PLEC: variants seen among roughly 807,000 people sequenced by gnomAD.
The protein encoded by PLEC is hemidesmosomal protein 1.
In PLEC, 216 loss-of-function variants were observed where a neutral mutation model predicts 392.8. The observed-to-expected ratio is 0.55, with a 90% CI of 0.49 to 0.62. The LOEUF is 0.62. Ranked by LOEUF, PLEC falls within the 20% of genes least tolerant of loss-of-function variation. PLEC has a pLI of 0.00. For missense variants in PLEC, 6,863 were observed against 6,563.4 expected (o/e 1.05, Z -1.58); for synonymous variants, 3,621 against 2,980.6 (o/e 1.21, Z -7.00).
rs201278290 is a variant in PLEC, at chr8:143,924,168, G to A, written c.5761C>T (p.Arg1921Trp). 215 of 1,598,984 alleles carry A rather than the reference G, an allele frequency of 1.3e-4. 1 individual carries two copies. The East Asian group carries it at 3.7e-3, about 28-fold the overall frequency. ...GCCAGGATCTCCTCCTCCACCTGCC[G>A]CCGCTGCCTCAGCGTGTCCTCCACC... is the stretch of plus-strand genomic sequence containing the variant. ...GLVEDTLRQR[R>W]QVEEEILALK... The change falls in exon 31 of 32, where the codon CGG (arginine) becomes TGG (tryptophan). Residue 1921 changes from arginine to tryptophan, a missense_variant. Arg to Trp is a moderately radical substitution (Grantham distance 101). Transcript: ENST00000345136.
At chr8:143,955,388 C>T (rs1301749049), upstream of PLEC, among the ~76,000 whole-genome samples, 1 of 152,012 alleles carries the variant, frequency 6.6e-6, no homozygotes, top group Non-Finnish European at 1.5e-5. Context: ...GGCTGAGGCA[C>T]GAGAATCACT....
rs376259577 is a variant in PLEC at position 143,934,420 on chromosome 8, T to C, written c.1067A>G (p.Lys356Arg). Reference protein sequence around the residue: ...LEGAVQAGQLKVPPGYHPLDV... With the variant: ...LEGAVQAGQLRVPPGYHPLDV... ...CAGCGGGTGGTAGCCAGGGGGCACCTTGAGCTGGCCTGCTTGCACCGCTCC... is the reference window on the plus strand; with the variant it reads ...CAGCGGGTGGTAGCCAGGGGGCACCCTGAGCTGGCCTGCTTGCACCGCTCC... Residue 356 changes from lysine to arginine, a missense_variant, in exon 11 of 32, where the codon AAG (lysine) becomes AGG (arginine). Coordinates refer to ENST00000345136, the MANE Select transcript of PLEC (RefSeq NM_201384.3). 5.0e-6 allele frequency: 8 copies of C among 1,611,554 alleles called. No homozygotes were observed. The highest frequency in any genetic ancestry group is 1.3e-5 in the African/African-American group (1 of 74,922).
At chr8:143,960,922 G>A (rs1405014664) in intron 1 of PLEC, among the ~76,000 whole-genome samples, 7 of 152,176 alleles carry the variant, frequency 4.6e-5, no homozygotes, top group Non-Finnish European at 8.8e-5. Context: ...TTCTGCCCCT[G>A]CTTTCCCACC....
rs782278608 is a variant in PLEC, at chr8:143,923,663, G to A, written c.6266C>T (p.Ala2089Val). ...LRGEAEAARR[A>V]AEEAEEARVQ... Reference sequence around the variant, plus strand: ...CCGGGCCTCCTCCGCCTCCTCAGCCGCCCGCCGGGCCGCCTCCGCCTCGCC... The same window carrying A: ...CCGGGCCTCCTCCGCCTCCTCAGCCACCCGCCGGGCCGCCTCCGCCTCGCC... Residue 2089 changes from alanine to valine, a missense_variant, in exon 31 of 32, where the codon GCG (alanine) becomes GTG (valine). Transcript: ENST00000345136. The A allele has an allele frequency of 1.9e-4, 294 of 1,559,742 alleles. 1 individual carries two copies. Among genetic ancestry groups the A allele is most frequent in the Middle Eastern group, 1.8e-4 (1 of 5,580 alleles).
upstream of PLEC, among the ~76,000 whole-genome samples, chr8:143,952,053 G>T (rs531691595): frequency 2.6e-5 from 4 of 152,208 alleles, no homozygotes; most frequent in Non-Finnish European, 5.9e-5. Flanking sequence ...TAGGGCGGTG[G>T]GGGGGAGTGG....
Position 143,933,191 on chromosome 8 carries a change from G to A in PLEC, c.1418+6C>T. 5 of 1,611,936 alleles carry A rather than the reference G, an allele frequency of 3.1e-6. No homozygotes were observed. The highest frequency in any genetic ancestry group is 2.7e-5 in the African/African-American group (2 of 75,028). On this transcript the variant is annotated splice_donor_region_variant and intron_variant, in intron 13 of 31. Coordinates refer to ENST00000345136, the MANE Select transcript of PLEC (RefSeq NM_201384.3). ...TGGGCTTCAGGGAGGGCAGGGCGGG[G>A]CCCACCTGCGGTACATCTGCTCGCC... is the stretch of plus-strand genomic sequence containing the variant.
Position 143,918,627 on chromosome 8 carries a change from A to G in PLEC, c.11194T>C (p.Phe3732Leu), listed in dbSNP as rs1554675819. The G allele has an allele frequency of 1.9e-6, 3 of 1,612,818 alleles. No individual in the cohort carries two copies. Among genetic ancestry groups the G allele is most frequent in the East Asian group, 4.5e-5 (2 of 44,844 alleles). The change falls in exon 32 of 32, where the codon TTC (phenylalanine) becomes CTC (leucine). Residue 3732 changes from phenylalanine (F) to leucine (L), a missense_variant. Coordinates refer to ENST00000345136, the MANE Select transcript of PLEC (RefSeq NM_201384.3). ...TCCCCCTTCACCGGGTCCAGCAGGA[A>G]GCCTGTGGCTGCCTGTGCCTCCAGC... Reference protein sequence around the residue: ...LLLEAQAATGFLLDPVKGERL... With the variant: ...LLLEAQAATGLLLDPVKGERL...
At position 143,929,434 on chromosome 8, in the gene PLEC, G is replaced by T. The variant is rs1468528647; in HGVS notation, c.3061C>A (p.Gln1021Lys). 1.9e-6 allele frequency: 3 copies of T among 1,576,186 alleles called. No individual in the cohort carries two copies. Among genetic ancestry groups the T allele is most frequent in the Non-Finnish European group, 2.6e-6 (3 of 1,163,066 alleles). The change falls in exon 24 of 32, where the codon CAG becomes AAG. Residue 1021 changes from glutamine (Q) to lysine (K), a missense_variant. Physicochemically the swap from Gln to Lys is moderately conservative, Grantham distance 53. Coordinates refer to ENST00000345136, the MANE Select transcript of PLEC (RefSeq NM_201384.3). ...LDKEPARECA[Q>K]RIAEQQKAQA... ...CCTGCCTGCTGCTCGGCGATGCGCT[G>T]GGCACACTCCCGTGCCGGCTCTTTG...
At chr8:143,930,967 A>G (rs1221206094) in intron 19 of PLEC, among the ~76,000 whole-genome samples, 5 of 152,068 alleles carry the variant, frequency 3.3e-5, no homozygotes, top group African/African-American at 4.8e-5. Flanking sequence ...TTCAGTCTCC[A>G]GTCCCTCTTC....
In PLEC at chr8:143,919,323, G is replaced by A. The variant is rs200541837; in HGVS notation, c.10498C>T (p.Arg3500Cys). ...TCGTCGCTGGGGTCCGCCAGGACGC[G>A]GTTCATCTCCTCACTGAAGTAGCCG... ...QRGYFSEEMNRVLADPSDDTK... is the reference protein window; with the variant it reads ...QRGYFSEEMNCVLADPSDDTK... Residue 3500 changes from arginine to cysteine, a missense_variant, in exon 32 of 32, where the codon CGC (arginine) becomes TGC (cysteine). Coordinates refer to ENST00000345136, the MANE Select transcript of PLEC (RefSeq NM_201384.3). The A allele has an allele frequency of 8.7e-4, 1,405 of 1,613,944 alleles. 5 individuals carry two copies. Among genetic ancestry groups the A allele is most frequent in the South Asian group, 1.7e-3 (156 of 91,076 alleles).
Position 143,929,163 on chromosome 8 carries a change from A to T in PLEC, c.3200T>A (p.Leu1067Gln). The T allele has an allele frequency of 6.3e-7, 1 of 1,594,056 alleles. No individual in the cohort carries two copies. Among genetic ancestry groups the T allele is most frequent in the Non-Finnish European group, 8.5e-7 (1 of 1,172,108 alleles). ...CTCCAGCTTGCCCAGCGTCAGCTCC[A>T]GCTCCGAGCGCAGCGTGGGGGCCGC... ...SPAAPTLRSELELTLGKLEQV... is the reference protein window; with the variant it reads ...SPAAPTLRSEQELTLGKLEQV... The change falls in exon 25 of 32, where the codon CTG (leucine) becomes CAG (glutamine). Residue 1067 changes from leucine to glutamine, a missense_variant. By Grantham distance (113) the Leu-to-Gln change is moderately radical. Coordinates refer to ENST00000345136, the MANE Select transcript of PLEC (RefSeq NM_201384.3).
chr8:143,918,286 G>A lies in PLEC; in HGVS notation c.11535C>T (p.Ser3845=). The stretch of plus-strand genomic sequence containing the variant: ...GCTCGTCGGTGGACGGGTCCACGTA[G>A]CTGCGCACCTCGCTGGGCTCTGACA... ...DQLSEPSEVR[S]YVDPSTDERL... The change falls in exon 32 of 32, where the codon AGC becomes AGT. Residue 3845 remains serine (S), a synonymous_variant. Coordinates refer to ENST00000345136, the MANE Select transcript of PLEC (RefSeq NM_201384.3). The A allele has an allele frequency of 2.5e-6, 4 of 1,593,178 alleles. No individual in the cohort carries two copies. The highest frequency in any genetic ancestry group is 3.4e-6 in the Non-Finnish European group (4 of 1,177,210).
Position 143,934,010 on chromosome 8 carries a change from G to GGCT in PLEC, c.1250_1251insAGC (p.Ala417dup). 1 of 1,607,290 alleles carries GGCT rather than the reference G, an allele frequency of 6.2e-7. No homozygotes were observed. On this transcript the variant is annotated inframe_insertion, in exon 12 of 32. Coordinates refer to ENST00000345136, the MANE Select transcript of PLEC (RefSeq NM_201384.3). ...CACACCCCCTCACCGACTGCAGCAG[G>GGCT]GCGTCGGCCTGGTTCAGCTGCTCCT...
At position 143,924,838 on chromosome 8, in the gene PLEC, C is replaced by A; in HGVS notation, c.5091G>T (p.Gln1697His). The change falls in exon 31 of 32, where the codon CAG becomes CAT. Residue 1697 changes from glutamine to histidine, a missense_variant. By Grantham distance (24) the Gln-to-His change is conservative (BLOSUM62 0). Coordinates refer to ENST00000345136, the MANE Select transcript of PLEC (RefSeq NM_201384.3). The stretch of plus-strand genomic sequence containing the variant: ...GCGCGGTGCCTTCCGCCAGCTGCCG[C>A]TGCTTCTCCAGCTCTTGTTCAGCCA... ...RELAEQELEK[Q>H]RQLAEGTAQQ... 2 of 1,576,028 alleles carry A rather than the reference C, an allele frequency of 1.3e-6. No individual in the cohort carries two copies. Among genetic ancestry groups the A allele is most frequent in the Non-Finnish European group, 1.7e-6 (2 of 1,169,104 alleles).
chr8:143,938,661 G>A lies in PLEC; in HGVS notation c.144C>T (p.Phe48=), dbSNP rs1554725877. 6.2e-7 allele frequency: 1 copy of A among 1,613,872 alleles called. No individual in the cohort carries two copies. The highest frequency in any genetic ancestry group is 8.5e-7 in the Non-Finnish European group (1 of 1,179,956). ...DERDRVQKKT[F]TKWVNKHLIK... is the part of the protein sequence containing the mutation. The stretch of plus-strand genomic sequence containing the variant: ...TGAGGTGCTTGTTGACCCACTTGGT[G>A]AAGGTTTTCTTCTGCACACGATCCC... The change falls in exon 2 of 32, where the codon TTC becomes TTT. Residue 48 remains phenylalanine, a synonymous_variant. Transcript: ENST00000345136.
intron 5 of PLEC, 76 bp from the exon 6 acceptor site, chr8:143,936,090 G>A (rs1347612580): frequency 6.5e-7 from 1 of 1,539,892 alleles, no homozygotes; most frequent in African/African-American, 1.4e-5. Flanking sequence ...CACATGCACA[G>A]GGGCAGGGGT....
At chr8:143,928,034 A>G (rs1164125210) in intron 25 of PLEC, 42 bp from the exon 26 acceptor site, 4 of 1,558,938 alleles carry the variant, frequency 2.6e-6, no homozygotes, top group Non-Finnish European at 8.7e-7. Flanking sequence ...ATGGGGCTCG[A>G]GCAATAGCCC....
intron 13 of PLEC, 37 bp downstream of exon 13, chr8:143,933,157 GTGT>G (rs1564135300): frequency 6.2e-7 from 1 of 1,607,730 alleles, no homozygotes; most frequent in Non-Finnish European, 8.5e-7. Flanking sequence ...GCCTGGGGCC[GTGT>G]GTACCTGGGC....
chr8:143,938,828 C>T, intron 1 of PLEC, 136 bp from the exon 2 acceptor site: 1 of 776,580 alleles, frequency 1.3e-6, no homozygotes, highest in East Asian at 2.6e-5. Flanking sequence ...AGATCACACA[C>T]TGAGACCCAG....
Sources: allele counts gnomAD v4.1 joint callset (sites outside exome capture counted in the v4.1 genomes callset), GRCh38; gene constraint gnomAD v4.1.1; transcripts MANE v1.5; gene names NCBI Gene and HGNC (gene_info 2026-07-23, HGNC 2026-07-21).